The following ALKBH1 variants were observed in gnomAD, a reference collection of about 807,000 sequenced individuals.
The protein encoded by ALKBH1 is alkB homolog 1, histone H2A dioxygenase.
ALKBH1 carries 31 observed loss-of-function variants against 36.6 expected under a neutral mutation model. The ratio of observed to expected loss-of-function variants is 0.85; its 90% CI spans 0.64 to 1.14. The LOEUF is 1.14. Among genes scored for constraint, ALKBH1 ranks in the 50% most tolerant of loss-of-function variants. The pLI is 0.00. For synonymous variants in ALKBH1, 183 were observed against 186.6 expected (o/e 0.98, Z 0.16); for missense variants, 490 against 497.3 (o/e 0.99, Z 0.14).
At position 77,675,650 on chromosome 14, in the gene ALKBH1, A is replaced by G; in HGVS notation, c.740+6T>C. 2 of 1,592,414 alleles carry G rather than the reference A, an allele frequency of 1.3e-6. No individual in the cohort carries two copies. The highest frequency in any genetic ancestry group is 1.7e-6 in the Non-Finnish European group (2 of 1,163,996). On this transcript the variant is annotated splice_donor_region_variant and intron_variant, in intron 5 of 5. Transcript: ENST00000216489. ...AAGTAATCCCAAATCCCTGGAACTA[A>G]CTCACCTGAATGACAGCAAGGGTTT...
intron 4 of ALKBH1, among the ~76,000 whole-genome samples, chr14:77,676,444 C>A (rs1437621513): frequency 6.6e-6 from 1 of 152,128 alleles, no homozygotes; most frequent in Non-Finnish European, 1.5e-5. Context: ...GTAAATGAGA[C>A]AGTTCTATTA....
chr14:77,700,016 C>T (rs2080350711), intron 2 of ALKBH1, among the ~76,000 whole-genome samples: 1 of 152,010 alleles, frequency 6.6e-6, no homozygotes, highest in Admixed American at 6.5e-5. Context: ...GATCACACCA[C>T]TGCACTCCAG....
intron 1 of ALKBH1, among the ~76,000 whole-genome samples, chr14:77,706,967 C>G (rs558541321): frequency 1.3e-5 from 2 of 152,314 alleles, no homozygotes; most frequent in Admixed American, 6.5e-5. Context: ...TGCATATCCT[C>G]AACGTTAAAG....
rs182452525 is a variant in ALKBH1 at position 77,692,571 on chromosome 14, T to C, written c.455+2167A>G. On this transcript the variant is annotated intron_variant, in intron 3 of 5. Coordinates refer to ENST00000216489, the MANE Select transcript of ALKBH1 (RefSeq NM_006020.3). ...ACAGGGGGCGAAGCTCAGGTGGTAATGCTTGGCTGTCTAGGTCTGCTGCCC... is the reference window on the plus strand; with the variant it reads ...ACAGGGGGCGAAGCTCAGGTGGTAACGCTTGGCTGTCTAGGTCTGCTGCCC... Among the ~76,000 whole-genome samples the C allele has an allele frequency of 3.3e-5, 5 of 152,284 alleles. No individual in the cohort carries two copies. In the East Asian group the frequency reaches 5.8e-4, roughly 18 times the overall value.
intron 2 of ALKBH1, among the ~76,000 whole-genome samples, chr14:77,701,233 C>A (rs1051339580): frequency 2.6e-5 from 4 of 152,168 alleles, no homozygotes; most frequent in African/African-American, 9.7e-5. Flanking sequence ...TTTTTAAGTG[C>A]TTGATAAATG....
In ALKBH1 at chr14:77,673,747, T is replaced by C. The variant is rs533339319; in HGVS notation, c.*65A>G. The C allele has an allele frequency of 6.6e-7, 1 of 1,510,942 alleles. No homozygotes were observed. The allele number at this position is 1,510,942 out of a possible 1,614,324, so 93.6% of individuals were successfully genotyped here. A position where few individuals can be genotyped will look rare whatever the true frequency, so the allele number is the denominator to read the frequency against. On this transcript the variant is annotated 3_prime_UTR_variant, in exon 6 of 6. Transcript: ENST00000216489. ...GTCTGGGTGCTGAAGTCCACGGCAATACACAATAACATGATCATTTACGGT... is the reference window on the plus strand; with the variant it reads ...GTCTGGGTGCTGAAGTCCACGGCAACACACAATAACATGATCATTTACGGT...
intron 1 of ALKBH1, among the ~76,000 whole-genome samples, chr14:77,705,861 A>C (rs2080386652): frequency 6.6e-6 from 1 of 151,952 alleles, no homozygotes; most frequent in Admixed American, 6.6e-5. Context: ...TTGGGTCCAG[A>C]CTGGCCAACA....
In ALKBH1 at chr14:77,679,872, C is replaced by T. The variant is rs372121207; in HGVS notation, c.546+8G>A. ...CAGAAAACAAAAGAATTAAGAAAAC[C>T]TGAATACCTTACTGTCCCAGTTATA... On this transcript the variant is annotated splice_region_variant and intron_variant, in intron 4 of 5. Coordinates refer to ENST00000216489, the MANE Select transcript of ALKBH1 (RefSeq NM_006020.3). 52 of 1,611,336 alleles carry T rather than the reference C, an allele frequency of 3.2e-5. 1 individual carries two copies. The African/African-American group carries it at 5.5e-4, about 17-fold the overall frequency.
At chr14:77,678,997 G>T (rs939773996) in intron 4 of ALKBH1, among the ~76,000 whole-genome samples, 12 of 151,924 alleles carry the variant, frequency 7.9e-5, no homozygotes, top group African/African-American at 2.9e-4. Flanking sequence ...TCTATTTTTT[G>T]TAGAGATGGG....
At chr14:77,694,991 G>T in intron 2 of ALKBH1, 91 bp from the exon 3 acceptor site, 1 of 1,111,720 alleles carries the variant, frequency 9.0e-7, no homozygotes, top group Non-Finnish European at 1.2e-6. Context: ...TCACTATTTT[G>T]TTATTTACTC....
intron 2 of ALKBH1, among the ~76,000 whole-genome samples, chr14:77,699,612 C>T (rs1284328237): frequency 1.3e-5 from 2 of 152,160 alleles, no homozygotes; most frequent in African/African-American, 4.8e-5. Context: ...ATTCATCCCT[C>T]TCTCCTGGCC....
At position 77,674,037 on chromosome 14, in the gene ALKBH1, T is replaced by C. The variant is rs1566810262; in HGVS notation, c.945A>G (p.Arg315=). Residue 315 remains arginine (R), a synonymous_variant, in exon 6 of 6, where the codon AGA becomes AGG. Coordinates refer to ENST00000216489, the MANE Select transcript of ALKBH1 (RefSeq NM_006020.3). ...LEAPLPAVLP[R]DSMVEPCSME... ...TAGAACAAGGCTCTACCATTGAATC[T>C]CTCGGGAGGACAGCAGGGAGAGGTG... is the stretch of plus-strand genomic sequence containing the variant. 1.2e-6 allele frequency: 2 copies of C among 1,614,134 alleles called. No individual in the cohort carries two copies. Among genetic ancestry groups the C allele is most frequent in the Non-Finnish European group, 1.7e-6 (2 of 1,180,032 alleles).
At chr14:77,700,611 A>G (rs4899673) in intron 2 of ALKBH1, among the ~76,000 whole-genome samples, 81,177 of 151,980 alleles carry the variant, frequency 0.53, 22,067 homozygotes, top group African/African-American at 0.59. Context: ...GAAACCCCCC[A>G]ACAACCTACC....
intron 4 of ALKBH1, 147 bp from the exon 5 acceptor site, chr14:77,675,996 TTC>T: frequency 2.7e-6 from 2 of 736,946 alleles, no homozygotes; most frequent in African/African-American, 1.9e-5. Context: ...TTCTTTTCTT[TTC>T]TTTTTTTTTT....
In ALKBH1 at chr14:77,673,781, G is replaced by A; in HGVS notation, c.*31C>T. On this transcript the variant is annotated 3_prime_UTR_variant, in exon 6 of 6. Transcript: ENST00000216489. ...ACATGATCATTTACGGTAAGCAGGT[G>A]CCTGAGTAAAAAGGATGGGATCTCC... The A allele has an allele frequency of 4.4e-6, 7 of 1,587,054 alleles. No individual in the cohort carries two copies. The highest frequency in any genetic ancestry group is 2.2e-5 in the East Asian group (1 of 44,640).
chr14:77,691,142 C>T (rs937159579), intron 3 of ALKBH1, among the ~76,000 whole-genome samples: 5 of 152,220 alleles, frequency 3.3e-5, no homozygotes, highest in African/African-American at 4.8e-5. Context: ...TCTCTAGCTA[C>T]GCCATTCACT....
At chr14:77,679,475 G>A (rs139360601) in intron 4 of ALKBH1, among the ~76,000 whole-genome samples, 1,889 of 151,184 alleles carry the variant, frequency 0.012, 32 homozygotes, top group African/African-American at 0.041. Flanking sequence ...CTGTCACCCA[G>A]GCTGGAGTGC....
chr14:77,707,777 C>A, intron 1 of ALKBH1, 45 bp downstream of exon 1: 2 of 1,543,656 alleles, frequency 1.3e-6, no homozygotes, highest in Non-Finnish European at 1.7e-6. Flanking sequence ...CTCCAAGACG[C>A]GGGGCAAAGC....
chr14:77,677,652 A>G (rs978791789), intron 4 of ALKBH1, among the ~76,000 whole-genome samples: 1 of 152,190 alleles, frequency 6.6e-6, no homozygotes, highest in African/African-American at 2.4e-5. Flanking sequence ...CTTTAACTTC[A>G]GGTGTAAGGA....
Sources: gnomAD v4.1 joint callset for allele counts (sites outside exome capture counted in the v4.1 genomes callset) on GRCh38, gnomAD v4.1.1 for gene constraint, MANE v1.5 for transcripts, NCBI Gene and HGNC (gene_info 2026-07-23, HGNC 2026-07-21) for gene names.